PLD1: variants seen among roughly 807,000 people sequenced by gnomAD.
PLD1 encodes the protein phospholipase D1.
In PLD1, 112 loss-of-function variants were observed where a neutral mutation model predicts 137.1. The observed-to-expected ratio is 0.82, with a 90% CI of 0.70 to 0.96. The LOEUF (loss-of-function observed/expected upper bound fraction) is 0.96. Among genes scored for constraint, PLD1 ranks in the 40% least tolerant of loss-of-function variants. The pLI is 0.00. For missense variants in PLD1, 1,321 were observed against 1,342.0 expected, an observed-to-expected ratio of 0.98 and a Z score of 0.24; for synonymous variants, 431 against 454.7, an observed-to-expected ratio of 0.95 and a Z score of 0.66.
chr3:171,765,372 G>A (rs1312515092), intron 1 of PLD1: 1 of 152,210 alleles, frequency 6.6e-6, no homozygotes, highest in East Asian at 1.9e-4. Flanking sequence ...CAACAATGAT[G>A]AGAGTAATGA....
At chr3:171,692,261 G>A (rs1219779008) in intron 13 of PLD1, 71 bp downstream of exon 13, 8 of 767,172 alleles carry the variant, frequency 1.0e-5, no homozygotes, top group Non-Finnish European at 1.8e-5. Context: ...TTACTGCCCA[G>A]AACAAAACAT....
chr3:171,705,180 A>G (rs1716583963), intron 11 of PLD1, among the ~76,000 whole-genome samples: 1 of 152,216 alleles, frequency 6.6e-6, no homozygotes, highest in Non-Finnish European at 1.5e-5. Flanking sequence ...ATAAGATACT[A>G]TTTGTGTCAC....
chr3:171,679,126 C>A (rs1261564375), intron 16 of PLD1, among the ~76,000 whole-genome samples: 1 of 152,224 alleles, frequency 6.6e-6, no homozygotes, highest in African/African-American at 2.4e-5. Context: ...TCTATAAACT[C>A]TTTGGGAGTG....
At chr3:171,789,869 T>C (rs555043745) in intron 1 of PLD1, 1 of 152,338 alleles carries the variant, frequency 6.6e-6, no homozygotes, top group African/African-American at 2.4e-5. Flanking sequence ...GACTACTAAA[T>C]AATAGTATGT....
chr3:171,723,895 A>G (rs1718316630), intron 8 of PLD1, among the ~76,000 whole-genome samples: 1 of 151,978 alleles, frequency 6.6e-6, no homozygotes, highest in Non-Finnish European at 1.5e-5. Flanking sequence ...ATTTTCTCCC[A>G]TTCTGTGGTT....
chr3:171,674,751 G>C (rs552778854), intron 18 of PLD1, 138 bp from the exon 19 acceptor site: 1 of 479,356 alleles, frequency 2.1e-6, no homozygotes, highest in African/African-American at 2.0e-5. Context: ...GCCAAGAAGC[G>C]GGGATCACTT....
chr3:171,687,344 T>C (rs1714669654), intron 15 of PLD1, 27 bp downstream of exon 15: 1 of 1,588,714 alleles, frequency 6.3e-7, no homozygotes, highest in Non-Finnish European at 8.6e-7. Flanking sequence ...GTAGTTAAGA[T>C]AAATTCTAGT....
At chr3:171,739,815 G>A (rs1719641207) in intron 1 of PLD1, among the ~76,000 whole-genome samples, 1 of 152,114 alleles carries the variant, frequency 6.6e-6, no homozygotes, top group South Asian at 2.1e-4. Flanking sequence ...AGAAGGGACT[G>A]GAATTCAGGT....
At position 171,680,242 on chromosome 3, in the gene PLD1, C is replaced by CTTTTTTTTTTTTTTTTTTTT. The variant is rs571538714; in HGVS notation, c.1868-2568_1868-2549dup. Among the ~76,000 whole-genome samples the CTTTTTTTTTTTTTTTTTTTT allele has an allele frequency of 1.5e-4, 15 of 102,928 alleles. 5 individuals are homozygous for CTTTTTTTTTTTTTTTTTTTT. Among genetic ancestry groups the CTTTTTTTTTTTTTTTTTTTT allele is most frequent in the Admixed American group, 2.9e-4 (3 of 10,408 alleles). The allele number at this position is 102,928 out of a possible 152,430, so 67.5% of individuals were successfully genotyped here. A position where few individuals can be genotyped will look rare whatever the true frequency, so the allele number is the denominator to read the frequency against. ...GTCTTTTTGTTTTCTTTTTCTTCCTCTTTTTTTTTTTTTTTTTTTTTTTTT... is the reference window on the plus strand; with the variant it reads ...GTCTTTTTGTTTTCTTTTTCTTCCTCTTTTTTTTTTTTTTTTTTTTTTTTTTTTTTTTTTTTTTTTTTTTT... On this transcript the variant is annotated intron_variant, in intron 16 of 26. Transcript: ENST00000351298.
At chr3:171,705,374 AAT>A (rs1716598856) in intron 11 of PLD1, among the ~76,000 whole-genome samples, 1 of 152,214 alleles carries the variant, frequency 6.6e-6, no homozygotes, top group Non-Finnish European at 1.5e-5. Flanking sequence ...ACAGAAGGAA[AAT>A]ATTGAAACCA....
chr3:171,654,378 T>G (rs1737028553), intron 21 of PLD1: 1 of 244,750 alleles, frequency 4.1e-6, no homozygotes, highest in Non-Finnish European at 8.2e-6. Context: ...TTTAATAGCA[T>G]ATTTTTAATG....
chr3:171,672,825 C>A (rs1007454302), intron 19 of PLD1, among the ~76,000 whole-genome samples: 9 of 152,094 alleles, frequency 5.9e-5, no homozygotes, highest in Admixed American at 4.6e-4. Flanking sequence ...GCGGAAAAAG[C>A]GAACGAAGAG....
At chr3:171,779,349 C>T (rs192031023) in intron 1 of PLD1, among the ~76,000 whole-genome samples, 3 of 151,786 alleles carry the variant, frequency 2.0e-5, no homozygotes, top group Middle Eastern at 3.4e-3. Context: ...TGATGTGGGT[C>T]GTGATGCAGA....
In PLD1 at chr3:171,677,569, C is replaced by G; in HGVS notation, c.1993G>C (p.Ala665Pro). The G allele has an allele frequency of 6.2e-7, 1 of 1,613,508 alleles. No homozygotes were observed. The highest frequency in any genetic ancestry group is 1.7e-4 in the Middle Eastern group (1 of 6,060). Residue 665 changes from alanine to proline, a missense_variant, in exon 17 of 27, where the codon GCT becomes CCT. Physicochemically the swap from Ala to Pro is conservative, Grantham distance 27. Coordinates refer to ENST00000351298, the MANE Select transcript of PLD1 (RefSeq NM_002662.5). ...KDWVQLDKPF[A>P]DFIDRYSTPR... ...ACCCCACCATTATGATACTCACCAG[C>G]AAAAGGTTTATCAAGTTGAACCCAG...
intron 23 of PLD1, among the ~76,000 whole-genome samples, chr3:171,638,999 A>T (rs191186547): frequency 6.6e-6 from 1 of 151,952 alleles, no homozygotes; most frequent in Non-Finnish European, 1.5e-5. Flanking sequence ...TACCATTAAC[A>T]CCATTGGCTC....
At chr3:171,730,219 AT>A (rs1244755844) in intron 6 of PLD1, among the ~76,000 whole-genome samples, 3 of 152,132 alleles carry the variant, frequency 2.0e-5, no homozygotes, top group Non-Finnish European at 4.4e-5. Context: ...CTTGTTTGAG[AT>A]TTTTTTGTAT....
chr3:171,729,715 T>A (rs7630703), intron 6 of PLD1, among the ~76,000 whole-genome samples: 54,885 of 151,998 alleles, frequency 0.36, 11,027 homozygotes, highest in African/African-American at 0.52. Context: ...ACGCTAAGAC[T>A]CAATCATAAG....
intron 21 of PLD1, among the ~76,000 whole-genome samples, chr3:171,646,353 G>A (rs1358258729): frequency 6.6e-6 from 1 of 152,110 alleles, no homozygotes; most frequent in Non-Finnish European, 1.5e-5. Context: ...TTTCTTTCAT[G>A]TGAATATTAT....
At chr3:171,632,191 A>G (rs572315724) in intron 23 of PLD1, among the ~76,000 whole-genome samples, 10 of 152,164 alleles carry the variant, frequency 6.6e-5, no homozygotes, top group Non-Finnish European at 1.3e-4. Context: ...TAATGGACAT[A>G]CCCAAATTGA....
Sources: gnomAD v4.1 joint callset for allele counts (sites outside exome capture counted in the v4.1 genomes callset) on GRCh38, gnomAD v4.1.1 for gene constraint, MANE v1.5 for transcripts, NCBI Gene and HGNC (gene_info 2026-07-23, HGNC 2026-07-21) for gene names.